The following OPCML variants were observed in gnomAD, a reference collection of about 807,000 sequenced individuals.
OPCML encodes the protein opioid-binding protein/cell adhesion molecule.
In OPCML, 13 loss-of-function variants were observed where a neutral mutation model predicts 37.8. The ratio of observed to expected loss-of-function variants is 0.34; its 90% confidence interval spans 0.22 to 0.55. The LOEUF (loss-of-function observed/expected upper bound fraction) is 0.55, where lower values mean the gene tolerates loss of function less well. Ranked by LOEUF, OPCML falls within the 20% of genes least tolerant of loss-of-function variation. The pLI is 0.91. For missense variants in OPCML, 341 were observed against 435.6 expected (o/e 0.78, Z 1.93); for synonymous variants, 176 against 168.8 (o/e 1.04, Z -0.33).
chr11:132,995,311 C>T lies in OPCML; in HGVS notation c.62-52301G>A, dbSNP rs1382786434. 2.0e-5 allele frequency among the ~76,000 whole-genome samples: 3 copies of T among 152,054 alleles called. No homozygotes were observed. In the East Asian group the frequency reaches 5.8e-4, roughly 29 times the overall value. ...GTGCTCGTTTATGAAGGCAAACTTA[C>T]ATCTAGGGGCTAAGGCTCTTACTCA... On this transcript the variant is annotated intron_variant, in intron 1 of 7. Transcript: ENST00000524381.
At chr11:133,176,338 T>C (rs1362861967) in intron 1 of OPCML, among the ~76,000 whole-genome samples, 3 of 31,876 alleles carry the variant, frequency 9.4e-5, no homozygotes, top group Non-Finnish European at 1.6e-4. Flanking sequence ...TTCATTTTCC[T>C]TTTTTTTTTT....
chr11:132,706,610 A>G (rs893266537), intron 2 of OPCML, among the ~76,000 whole-genome samples: 1 of 152,156 alleles, frequency 6.6e-6, no homozygotes, highest in Non-Finnish European at 1.5e-5. Context: ...AGTTTACCCA[A>G]TGTAGTAAAA....
intron 4 of OPCML, among the ~76,000 whole-genome samples, chr11:132,441,571 T>C (rs1466453043): frequency 6.6e-6 from 1 of 152,154 alleles, no homozygotes; most frequent in African/African-American, 2.4e-5. Flanking sequence ...AAATGTCCTG[T>C]AGTAAGACAA....
intron 1 of OPCML, among the ~76,000 whole-genome samples, chr11:133,220,669 G>C (rs530242034): frequency 3.5e-4 from 54 of 152,262 alleles, no homozygotes; most frequent in Admixed American, 4.6e-4. Flanking sequence ...TAAAATCACA[G>C]GTATGTATAC....
At chr11:132,996,079 C>A (rs551817649) in intron 1 of OPCML, among the ~76,000 whole-genome samples, 1 of 152,098 alleles carries the variant, frequency 6.6e-6, no homozygotes, top group Non-Finnish European at 1.5e-5. Context: ...CTAGGGAGCA[C>A]GCAAGTCCCT....
intron 3 of OPCML, among the ~76,000 whole-genome samples, chr11:132,643,577 C>T (rs1192279682): frequency 5.3e-5 from 8 of 152,176 alleles, no homozygotes; most frequent in Non-Finnish European, 2.9e-5. Flanking sequence ...CCTCTGCTTC[C>T]TTTATTTTCA....
intron 1 of OPCML, among the ~76,000 whole-genome samples, chr11:133,337,471 G>A (rs1943768299): frequency 6.6e-6 from 1 of 152,206 alleles, no homozygotes; most frequent in African/African-American, 2.4e-5. Flanking sequence ...TAACAACAGA[G>A]ACTGCAAGCT....
chr11:132,804,382 T>C (rs1177259561), intron 2 of OPCML, among the ~76,000 whole-genome samples: 1 of 152,292 alleles, frequency 6.6e-6, no homozygotes, highest in African/African-American at 2.4e-5. Context: ...AGGAGGCAAC[T>C]GTGAAAAGGA....
chr11:132,602,626 A>T (rs1299820971), intron 3 of OPCML, among the ~76,000 whole-genome samples: 1 of 152,198 alleles, frequency 6.6e-6, no homozygotes, highest in Admixed American at 6.5e-5. Context: ...GTTGCATTTT[A>T]AAAGCATTTC....
intron 1 of OPCML, among the ~76,000 whole-genome samples, chr11:133,468,010 C>G (rs1841924885): frequency 6.6e-6 from 1 of 152,148 alleles, no homozygotes; most frequent in Admixed American, 6.5e-5. Flanking sequence ...GTAGGGATGG[C>G]AAACAACACA....
intron 3 of OPCML, among the ~76,000 whole-genome samples, chr11:132,645,308 A>G (rs540378033): frequency 6.6e-6 from 1 of 152,352 alleles, no homozygotes; most frequent in Non-Finnish European, 1.5e-5. Flanking sequence ...GTGGCTTTTC[A>G]TGATGTGGCT....
intron 3 of OPCML, among the ~76,000 whole-genome samples, chr11:132,618,242 A>G (rs190053490): frequency 4.6e-5 from 7 of 152,310 alleles, no homozygotes; most frequent in Non-Finnish European, 8.8e-5. Context: ...GGAGGGAGCT[A>G]TTTATTTTTG....
intron 1 of OPCML, among the ~76,000 whole-genome samples, chr11:133,223,523 GA>G (rs1220129431): frequency 6.6e-6 from 1 of 152,260 alleles, no homozygotes; most frequent in African/African-American, 2.4e-5. Flanking sequence ...GCATAGTCGG[GA>G]AAAATATGGG....
At chr11:132,714,934 G>A (rs1262629312) in intron 2 of OPCML, among the ~76,000 whole-genome samples, 1 of 152,196 alleles carries the variant, frequency 6.6e-6, no homozygotes, top group African/African-American at 2.4e-5. Flanking sequence ...ACAGTTCACA[G>A]TGCAAAGGAA....
chr11:132,685,840 A>G (rs1247490965), intron 2 of OPCML, among the ~76,000 whole-genome samples: 2 of 152,228 alleles, frequency 1.3e-5, no homozygotes, highest in Non-Finnish European at 2.9e-5. Flanking sequence ...GGGAGGTTTC[A>G]CTAATCCTTT....
chr11:132,906,499 T>G (rs1591785012), intron 2 of OPCML, among the ~76,000 whole-genome samples: 1 of 152,244 alleles, frequency 6.6e-6, no homozygotes, highest in East Asian at 1.9e-4. Flanking sequence ...TAATATTAAT[T>G]TTAGATTGTG....
At chr11:132,781,587 C>T (rs1162165022) in intron 2 of OPCML, among the ~76,000 whole-genome samples, 1 of 144,462 alleles carries the variant, frequency 6.9e-6, no homozygotes, top group Non-Finnish European at 1.6e-5. Flanking sequence ...CCCACACACA[C>T]ATACACATAT....
intron 4 of OPCML, among the ~76,000 whole-genome samples, chr11:132,522,280 C>T (rs2096295811): frequency 1.3e-5 from 2 of 152,112 alleles, no homozygotes; most frequent in East Asian, 3.9e-4. Context: ...ATATCATTCC[C>T]ACTCTACACT....
intron 2 of OPCML, among the ~76,000 whole-genome samples, chr11:132,817,467 T>C (rs1225430810): frequency 1.3e-5 from 2 of 152,154 alleles, no homozygotes; most frequent in African/African-American, 4.8e-5. Context: ...CTTCTTTTTT[T>C]GTCTTTGGAA....
Sources: allele counts gnomAD v4.1 joint callset (sites outside exome capture counted in the v4.1 genomes callset), GRCh38; gene constraint gnomAD v4.1.1; transcripts MANE v1.5; gene names NCBI Gene and HGNC (gene_info 2026-07-23, HGNC 2026-07-21).